ARSG: variants seen among roughly 807,000 people sequenced by gnomAD.
ARSG encodes arylsulfatase G, also known as ASG.
A neutral mutation model predicts 50.5 loss-of-function variants in ARSG; 37 were observed. The observed-to-expected ratio is 0.73, with a 90% CI of 0.56 to 0.96. The LOEUF (loss-of-function observed/expected upper bound fraction) is 0.96. Ranked by LOEUF, ARSG falls within the 50% of genes least tolerant of loss-of-function variation. ARSG has a pLI of 0.00. For synonymous variants in ARSG, 225 were observed against 254.6 expected (o/e 0.88, Z 1.11); for missense variants, 629 against 675.3 (o/e 0.93, Z 0.76).
At chr17:68,347,335 C>T (rs906026037) in intron 4 of ARSG, among the ~76,000 whole-genome samples, 163 bp downstream of exon 4, 1 of 152,138 alleles carries the variant, frequency 6.6e-6, no homozygotes. Flanking sequence ...CAGGGCTCTC[C>T]GGGACCTTAC....
intron 2 of ARSG, among the ~76,000 whole-genome samples, chr17:68,329,006 C>T (rs754706473): frequency 1.3e-5 from 2 of 152,312 alleles, no homozygotes; most frequent in Admixed American, 6.5e-5. Context: ...GAGCCAGCAG[C>T]AGCAAAAAGA....
chr17:68,334,692 G>A (rs916303327), intron 2 of ARSG, among the ~76,000 whole-genome samples: 3 of 152,112 alleles, frequency 2.0e-5, no homozygotes, highest in South Asian at 2.1e-4. Flanking sequence ...CTCCTATGGC[G>A]GACATCTCCA....
chr17:68,436,665 G>A, the ARSG span, among the ~76,000 whole-genome samples: 2 of 152,110 alleles, frequency 1.3e-5, no homozygotes, highest in East Asian at 1.9e-4. Flanking sequence ...AACTTCACAG[G>A]GGAAGACCTC....
At chr17:68,311,725 T>TTCTCCC (rs1272156284) in intron 2 of ARSG, among the ~76,000 whole-genome samples, 10 of 151,632 alleles carry the variant, frequency 6.6e-5, no homozygotes, top group Non-Finnish European at 1.5e-4. Flanking sequence ...ATGGAACAGA[T>TTCTCCC]TCTCCCTCAG....
At chr17:68,260,685 G>T (rs1199722786) in intron 1 of ARSG, among the ~76,000 whole-genome samples, 6 of 151,990 alleles carry the variant, frequency 3.9e-5, no homozygotes, top group African/African-American at 4.8e-5. Flanking sequence ...TAGAGATGGG[G>T]TTTTTTCCAC....
chr17:68,291,159 A>T (rs1487289236), upstream of ARSG: 1 of 152,094 alleles, frequency 6.6e-6, no homozygotes, highest in African/African-American at 2.4e-5. Flanking sequence ...CCTCCTTATA[A>T]GCCGCTCGGT....
At chr17:68,332,930 G>A (rs1490565963) in intron 2 of ARSG, among the ~76,000 whole-genome samples, 2 of 152,184 alleles carry the variant, frequency 1.3e-5, no homozygotes, top group Non-Finnish European at 2.9e-5. Context: ...TGAAGCCAGG[G>A]GCAACAGAAG....
chr17:68,337,603 TTC>T (rs1172436580), intron 2 of ARSG, among the ~76,000 whole-genome samples: 2 of 14,926 alleles, frequency 1.3e-4, no homozygotes, highest in African/African-American at 4.2e-4. Context: ...GCAGAAACGC[TTC>T]TATTTATTTA....
At chr17:68,396,753 A>G (rs2147171113) in intron 10 of ARSG, among the ~76,000 whole-genome samples, 1 of 152,262 alleles carries the variant, frequency 6.6e-6, no homozygotes, top group South Asian at 2.1e-4. Flanking sequence ...TTCTGTGCAC[A>G]TTAATGCAGT....
chr17:68,352,166 A>AGGG (rs936481407), intron 5 of ARSG, among the ~76,000 whole-genome samples: 1 of 144,182 alleles, frequency 6.9e-6, no homozygotes, highest in Non-Finnish European at 1.5e-5. Context: ...AGAGAGACAG[A>AGGG]GAGAGAGAGA....
chr17:68,428,006 T>C, the ARSG span, among the ~76,000 whole-genome samples: 4 of 152,100 alleles, frequency 2.6e-5, no homozygotes, highest in Non-Finnish European at 5.9e-5. Flanking sequence ...TCCCCCCACC[T>C]CTGCCTCCCA....
Position 68,399,971 on chromosome 17 carries a change from C to T in ARSG, c.1213-1389C>T, listed in dbSNP as rs538048889. On this transcript the variant is annotated intron_variant, in intron 10 of 11. Transcript: ENST00000621439. The surrounding 1 kb of genome is among the most constrained non-coding windows in gnomAD (Gnocchi z 4.6). ...TCTTTTCCTGTTTGGAAGGAACCTGCTATCATCATGCGCGCCCTGGGTTTG... is the reference window on the plus strand; with the variant it reads ...TCTTTTCCTGTTTGGAAGGAACCTGTTATCATCATGCGCGCCCTGGGTTTG... 1.3e-5 allele frequency among the ~76,000 whole-genome samples: 2 copies of T among 152,328 alleles called. No homozygotes were observed. Among genetic ancestry groups the T allele is most frequent in the South Asian group, 4.1e-4 (2 of 4,828 alleles).
intron 11 of ARSG, 54 bp from the exon 12 acceptor site, chr17:68,420,135 A>G: frequency 6.3e-7 from 1 of 1,592,762 alleles, no homozygotes; most frequent in South Asian, 1.1e-5. Context: ...TCGTCTTTAC[A>G]ACACAGGGCA....
At chr17:68,389,885 T>G (rs1199551420) in intron 9 of ARSG, among the ~76,000 whole-genome samples, 3 of 152,214 alleles carry the variant, frequency 2.0e-5, no homozygotes, top group Non-Finnish European at 4.4e-5. Context: ...GAAGTCCATG[T>G]GGTTCCTTCT....
At chr17:68,451,329 G>A in the ARSG span, among the ~76,000 whole-genome samples, 1 of 152,186 alleles carries the variant, frequency 6.6e-6, no homozygotes, top group African/African-American at 2.4e-5. Context: ...AGCTACTCGG[G>A]AGGCTGAGGC....
chr17:68,290,511 AC>A (rs2075949334), upstream of ARSG, among the ~76,000 whole-genome samples: 1 of 152,124 alleles, frequency 6.6e-6, no homozygotes, highest in East Asian at 1.9e-4. Flanking sequence ...CAGGTGGAGG[AC>A]CCGCGCTCTG....
chr17:68,302,698 C>T (rs549420536), intron 1 of ARSG, among the ~76,000 whole-genome samples: 1 of 152,226 alleles, frequency 6.6e-6, no homozygotes, highest in African/African-American at 2.4e-5. Flanking sequence ...AAATGGGGGT[C>T]GTGGAGAAGA....
At chr17:68,430,090 G>T in the ARSG span, 1 of 1,614,138 alleles carries the variant, frequency 6.2e-7, no homozygotes, top group Middle Eastern at 1.6e-4. Context: ...ACCTGGGTAG[G>T]GAGGTAGTTG....
At chr17:68,417,019 G>A (rs376539912) in intron 11 of ARSG, among the ~76,000 whole-genome samples, 2 of 152,278 alleles carry the variant, frequency 1.3e-5, no homozygotes, top group Admixed American at 1.3e-4. Flanking sequence ...GTGAGCTAGT[G>A]TGATTTTTTG....
Sources: gnomAD v4.1 joint callset for allele counts (sites outside exome capture counted in the v4.1 genomes callset) on GRCh38, gnomAD v4.1.1 for gene constraint, Gnocchi (gnomAD v3.1) non-coding constraint, MANE v1.5 for transcripts, NCBI Gene and HGNC (gene_info 2026-07-23, HGNC 2026-07-21) for gene names.